DAB1: variants seen among roughly 807,000 people sequenced by gnomAD.
DAB1 encodes DAB adaptor protein 1, also known as disabled homolog 1.
DAB1 carries 15 observed loss-of-function variants against 64.6 expected under a neutral mutation model. That is an observed-to-expected ratio of 0.23 (90% CI 0.16 to 0.36). The LOEUF (loss-of-function observed/expected upper bound fraction) is 0.36, where lower values mean the gene tolerates loss of function less well. Ranked by LOEUF, DAB1 falls within the 10% of genes least tolerant of loss-of-function variation. The pLI is 1.00. For missense variants in DAB1, 596 were observed against 706.7 expected, an observed-to-expected ratio of 0.84 and a Z score of 1.78; for synonymous variants, 235 against 251.9, an observed-to-expected ratio of 0.93 and a Z score of 0.64.
intron 3 of DAB1, among the ~76,000 whole-genome samples, chr1:58,361,553 C>T (rs1280888564): frequency 1.0e-5 from 1 of 97,108 alleles, no homozygotes; most frequent in Non-Finnish European, 2.5e-5. Context: ...TTCTGCAAAC[C>T]ACAGTTTTGT....
chr1:57,368,292 T>A (rs1318092011), intron 1 of DAB1, among the ~76,000 whole-genome samples: 1 of 152,166 alleles, frequency 6.6e-6, no homozygotes, highest in African/African-American at 2.4e-5. Flanking sequence ...GGAGACAGGT[T>A]CCTGGGCAAA....
At chr1:57,502,438 T>G (rs2101320964) in intron 7 of DAB1, among the ~76,000 whole-genome samples, 1 of 152,312 alleles carries the variant, frequency 6.6e-6, no homozygotes, top group Admixed American at 6.5e-5. Flanking sequence ...TATGTTGATG[T>G]TAGGCATATT....
intron 5 of DAB1, among the ~76,000 whole-genome samples, chr1:58,092,222 G>A (rs1650709121): frequency 6.6e-6 from 1 of 151,746 alleles, no homozygotes; most frequent in Non-Finnish European, 1.5e-5. Flanking sequence ...TGTAATCCCA[G>A]CTACTTGGAA....
chr1:57,225,458 T>G (rs1310263943), intron 2 of DAB1, among the ~76,000 whole-genome samples: 1 of 152,064 alleles, frequency 6.6e-6, no homozygotes, highest in African/African-American at 2.4e-5. Context: ...TAATCACAAA[T>G]TCCACCTTTC....
intron 9 of DAB1, among the ~76,000 whole-genome samples, chr1:57,045,231 C>T (rs1648314709): frequency 6.6e-6 from 1 of 152,134 alleles, no homozygotes; most frequent in Admixed American, 6.5e-5. Flanking sequence ...AGGAGCTTGT[C>T]CTGTTCCAGT....
chr1:57,108,033 G>A (rs962019523), intron 4 of DAB1, among the ~76,000 whole-genome samples: 3 of 152,076 alleles, frequency 2.0e-5, no homozygotes, highest in Non-Finnish European at 4.4e-5. Flanking sequence ...CTTCCCTGAG[G>A]CCCTGCTATT....
intron 3 of DAB1, among the ~76,000 whole-genome samples, chr1:58,439,342 A>G (rs1644982164): frequency 6.6e-6 from 1 of 152,104 alleles, no homozygotes; most frequent in Non-Finnish European, 1.5e-5. Flanking sequence ...TGTACTCCTC[A>G]GTACCTTCTT....
chr1:57,745,115 A>G (rs3118047), intron 6 of DAB1, among the ~76,000 whole-genome samples: 42,169 of 152,062 alleles, frequency 0.28, 6,880 homozygotes, highest in East Asian at 0.48. Context: ...ATAATTATTT[A>G]TAGATTAGGG....
chr1:57,736,438 G>C (rs933139920), intron 6 of DAB1, among the ~76,000 whole-genome samples: 2 of 152,248 alleles, frequency 1.3e-5, no homozygotes, highest in South Asian at 4.2e-4. Context: ...TTCATAAATC[G>C]CAGCATATGA....
chr1:58,353,067 C>T (rs1461079927), intron 3 of DAB1, among the ~76,000 whole-genome samples: 1 of 152,052 alleles, frequency 6.6e-6, no homozygotes, highest in Non-Finnish European at 1.5e-5. Context: ...TGGAGTTATG[C>T]CACGCTGCCG....
chr1:57,633,417 G>C (rs529621289), intron 7 of DAB1, among the ~76,000 whole-genome samples: 3 of 152,282 alleles, frequency 2.0e-5, no homozygotes, highest in African/African-American at 7.2e-5. Flanking sequence ...TGCTGAACCT[G>C]GGACCACACT....
intron 7 of DAB1, among the ~76,000 whole-genome samples, chr1:57,531,110 T>C (rs1644658297): frequency 6.6e-6 from 1 of 152,112 alleles, no homozygotes; most frequent in South Asian, 2.1e-4. Context: ...CATGACTACA[T>C]CCAGATGGCC....
At chr1:57,259,692 T>C (rs1405236645) in intron 2 of DAB1, among the ~76,000 whole-genome samples, 1 of 152,140 alleles carries the variant, frequency 6.6e-6, no homozygotes, top group Non-Finnish European at 1.5e-5. Flanking sequence ...ATAGCAAAAC[T>C]AGTGTGCCAC....
At position 57,034,549 on chromosome 1, in the gene DAB1, C is replaced by T. The variant is rs553617212; in HGVS notation, c.724-8506G>A. ...AAAAATACAGAAATGAATGCACATT[C>T]GAGAAGTAGCTGGCAGTGGGCAACA... On this transcript the variant is annotated intron_variant, in intron 9 of 14. Transcript: ENST00000371236. Among the ~76,000 whole-genome samples the T allele has an allele frequency of 4.6e-5, 7 of 152,260 alleles. No homozygotes were observed. In the East Asian group the frequency reaches 9.7e-4, roughly 21 times the overall value.
intron 1 of DAB1, among the ~76,000 whole-genome samples, chr1:57,367,028 G>C (rs1407433475): frequency 7.8e-6 from 1 of 127,586 alleles, no homozygotes; most frequent in Non-Finnish European, 1.8e-5. Context: ...GCAACACAGT[G>C]AGACCCTGTC....
chr1:58,366,666 C>T (rs1002807533), intron 3 of DAB1, among the ~76,000 whole-genome samples: 5 of 152,150 alleles, frequency 3.3e-5, no homozygotes, highest in South Asian at 2.1e-4. Flanking sequence ...CTGGAGCTCC[C>T]GATTCTCCAA....
chr1:58,074,568 A>ATATATATATATATATATATATG (rs1376065867), intron 5 of DAB1: 19 of 31,114 alleles, frequency 6.1e-4, no homozygotes, highest in African/African-American at 1.3e-3. Context: ...ATGTGTGTAT[A>ATATATATATATATATATATATG]TATATATATA....
intron 4 of DAB1, among the ~76,000 whole-genome samples, chr1:57,099,533 T>C (rs728719): frequency 0.07 from 10,699 of 152,236 alleles, 920 homozygotes; most frequent in African/African-American, 0.2. Flanking sequence ...AGAAATAAAC[T>C]GATGAAGACA....
intron 4 of DAB1, among the ~76,000 whole-genome samples, chr1:58,323,131 C>A (rs530743607): frequency 6.6e-6 from 1 of 151,952 alleles, no homozygotes; most frequent in South Asian, 2.1e-4. Flanking sequence ...AGGAGAAATA[C>A]CTAACGTAAA....
Sources: gnomAD v4.1 joint callset for allele counts (sites outside exome capture counted in the v4.1 genomes callset) on GRCh38, gnomAD v4.1.1 for gene constraint, MANE v1.5 for transcripts, NCBI Gene and HGNC (gene_info 2026-07-23, HGNC 2026-07-21) for gene names.